Variants in MCTP1 observed in about 807,000 individuals in gnomAD.
MCTP1 encodes the protein multiple C2 and transmembrane domain containing 1.
Under a neutral mutation model 120.6 loss-of-function variants are expected in MCTP1, and 69 were observed. That is an observed-to-expected ratio of 0.57 (90% confidence interval 0.47 to 0.70). The LOEUF (loss-of-function observed/expected upper bound fraction) is 0.70. Among genes scored for constraint, MCTP1 ranks in the 30% least tolerant of loss-of-function variants. MCTP1 has a pLI of 0.00. For synonymous variants in MCTP1, 529 were observed against 493.1 expected (o/e 1.07, Z -0.96); for missense variants, 1,203 against 1,248.8 (o/e 0.96, Z 0.55).
intron 19 of MCTP1, among the ~76,000 whole-genome samples, chr5:94,738,439 T>C (rs574700513): frequency 2.2e-4 from 34 of 152,168 alleles, no homozygotes; most frequent in Non-Finnish European, 4.1e-4. Context: ...CTTAACAAGC[T>C]GAATTCTAGC....
In MCTP1 at chr5:94,704,419, A is replaced by G. The variant is rs1443177156; in HGVS notation, c.*3077T>C. The G allele has an allele frequency of 6.6e-6, 1 of 151,488 alleles. No individual in the cohort carries two copies. The highest frequency in any genetic ancestry group is 1.5e-5 in the Non-Finnish European group (1 of 67,620). 9.4% of individuals were successfully genotyped at this position (151,488 alleles called of 1,614,324 possible). ...ACATTTAGGCCCATTTAACAAGTTTATTCGCTGAAATTACTGCCTTTGAAT... is the reference window on the plus strand; with the variant it reads ...ACATTTAGGCCCATTTAACAAGTTTGTTCGCTGAAATTACTGCCTTTGAAT... On this transcript the variant is annotated 3_prime_UTR_variant, in exon 23 of 23. Coordinates refer to ENST00000515393, the MANE Select transcript of MCTP1 (RefSeq NM_024717.7).
At chr5:94,818,582 T>C (rs547198579) in intron 17 of MCTP1, among the ~76,000 whole-genome samples, 1 of 152,340 alleles carries the variant, frequency 6.6e-6, no homozygotes, top group African/African-American at 2.4e-5. Flanking sequence ...TAAAGTAGGT[T>C]AAGGGCTACA....
intron 2 of MCTP1, among the ~76,000 whole-genome samples, chr5:94,970,512 G>T (rs1244577553): frequency 6.6e-6 from 1 of 151,934 alleles, no homozygotes; most frequent in Non-Finnish European, 1.5e-5. Context: ...AATGTAAGTT[G>T]TATATTACTT....
At chr5:95,210,486 AG>A (rs1219247864) in intron 1 of MCTP1, among the ~76,000 whole-genome samples, 2 of 150,016 alleles carry the variant, frequency 1.3e-5, no homozygotes, top group Non-Finnish European at 3.0e-5. Flanking sequence ...ATCAGAGACT[AG>A]GATTGCAACC....
intron 2 of MCTP1, among the ~76,000 whole-genome samples, chr5:94,984,600 T>C (rs1830120586): frequency 6.6e-6 from 1 of 152,126 alleles, no homozygotes; most frequent in Non-Finnish European, 1.5e-5. Context: ...AAATCTACAA[T>C]TTAAACTACA....
rs1788188051 is a variant in MCTP1, at chr5:94,830,152, CAA to C, written c.2437-31022_2437-31021del. Among the ~76,000 whole-genome samples, 3 of 152,274 alleles carry C rather than the reference CAA, an allele frequency of 2.0e-5. No homozygotes were observed. In the East Asian group the frequency reaches 5.8e-4, roughly 29 times the overall value. ...GAGGTAAACAAAAGATTAAAACAAA[CAA>C]ACAAAACCAAAACCAAACTCCTTTA... On this transcript the variant is annotated intron_variant, in intron 17 of 22. Transcript: ENST00000515393.
chr5:94,733,440 G>C (rs1294893664), intron 19 of MCTP1, among the ~76,000 whole-genome samples: 2 of 152,200 alleles, frequency 1.3e-5, no homozygotes, highest in African/African-American at 4.8e-5. Flanking sequence ...AAGTGGGTCT[G>C]TGTGTATTTT....
chr5:94,973,971 T>C (rs1827480858), intron 2 of MCTP1, among the ~76,000 whole-genome samples: 1 of 152,096 alleles, frequency 6.6e-6, no homozygotes, highest in Admixed American at 6.6e-5. Context: ...CTTAAGGTCA[T>C]TGTGAGGGTT....
chr5:95,234,817 T>C (rs925770676), intron 1 of MCTP1, among the ~76,000 whole-genome samples: 4 of 152,152 alleles, frequency 2.6e-5, no homozygotes, highest in African/African-American at 7.2e-5. Flanking sequence ...AATAGCCTTA[T>C]AGCTAGCAAA....
intron 1 of MCTP1, chr5:95,024,017 T>A: frequency 2.4e-6 from 1 of 421,348 alleles, no homozygotes; most frequent in Admixed American, 2.7e-5. Context: ...GTTGGATGTA[T>A]GACTTGCAAA....
At chr5:94,793,097 G>A (rs1391733452) in intron 18 of MCTP1, among the ~76,000 whole-genome samples, 1 of 152,144 alleles carries the variant, frequency 6.6e-6, no homozygotes, top group Non-Finnish European at 1.5e-5. Context: ...GGAAGGCCTG[G>A]TCATCTACTG....
intron 2 of MCTP1, among the ~76,000 whole-genome samples, chr5:94,987,392 T>C (rs1341428473): frequency 6.6e-6 from 1 of 152,210 alleles, no homozygotes; most frequent in Non-Finnish European, 1.5e-5. Context: ...AGAGACTAGA[T>C]GCTAAGCAAA....
chr5:95,268,117 G>C (rs2152727715), intron 1 of MCTP1, among the ~76,000 whole-genome samples: 1 of 152,330 alleles, frequency 6.6e-6, no homozygotes, highest in African/African-American at 2.4e-5. Context: ...CTCTGATTCA[G>C]TTATCACAAT....
intron 4 of MCTP1, 99 bp downstream of exon 4, chr5:94,942,249 A>G: frequency 1.2e-6 from 1 of 842,890 alleles, no homozygotes; most frequent in South Asian, 1.5e-5. Context: ...GCTCACCACT[A>G]TAAATGACAG....
At chr5:94,803,874 C>A (rs576519633) in intron 17 of MCTP1, among the ~76,000 whole-genome samples, 1 of 152,190 alleles carries the variant, frequency 6.6e-6, no homozygotes, top group South Asian at 2.1e-4. Context: ...AATAGCCTCC[C>A]ACAATGACTG....
At position 95,143,247 on chromosome 5, in the gene MCTP1, ATAG is replaced by A. The variant is rs200436612; in HGVS notation, c.721-125766_721-125764del. ...TGGGAAACAGGCTTCTTTCTCACCAATAGGCTCATAGGTTTTAACAAAAATTTT... is the reference window on the plus strand; with the variant it reads ...TGGGAAACAGGCTTCTTTCTCACCAAGCTCATAGGTTTTAACAAAAATTTT... On this transcript the variant is annotated intron_variant, in intron 1 of 22. Transcript: ENST00000515393. Among the ~76,000 whole-genome samples, 605 of 152,260 alleles carry A rather than the reference ATAG, an allele frequency of 4.0e-3. 8 individuals are homozygous for A. The highest frequency in any genetic ancestry group is 0.014 in the African/African-American group (581 of 41,562).
At position 95,137,901 on chromosome 5, in the gene MCTP1, T is replaced by C. The variant is rs188858528; in HGVS notation, c.721-120417A>G. 9.2e-5 allele frequency among the ~76,000 whole-genome samples: 14 copies of C among 152,316 alleles called. No homozygotes were observed. In the East Asian group the frequency reaches 2.3e-3, roughly 25 times the overall value. ...TGATGATTTGCAAGCAACATGTTCT[T>C]AGAAAACATTTACTGAGTACTATTC... On this transcript the variant is annotated intron_variant, in intron 1 of 22. Transcript: ENST00000515393.
At chr5:95,093,003 T>A (rs1387767190) in intron 1 of MCTP1, among the ~76,000 whole-genome samples, 1 of 152,238 alleles carries the variant, frequency 6.6e-6, no homozygotes, top group African/African-American at 2.4e-5. Context: ...CTTGAGAATA[T>A]CTATGGTTTG....
At chr5:94,919,911 A>G (rs1811103694) in intron 7 of MCTP1, among the ~76,000 whole-genome samples, 1 of 152,204 alleles carries the variant, frequency 6.6e-6, no homozygotes, top group African/African-American at 2.4e-5. Flanking sequence ...GAAGTGTCTC[A>G]TCTTATAATA....
Sources: gnomAD v4.1 joint callset for allele counts (sites outside exome capture counted in the v4.1 genomes callset) on GRCh38, gnomAD v4.1.1 for gene constraint, MANE v1.5 for transcripts, NCBI Gene and HGNC (gene_info 2026-07-23, HGNC 2026-07-21) for gene names.